The following FAT3 variants were observed in gnomAD, a reference collection of about 807,000 sequenced individuals.
FAT3 encodes FAT atypical cadherin 3.
In FAT3, 95 loss-of-function variants were observed where a neutral mutation model predicts 310.2. The observed-to-expected ratio is 0.31, with a 90% CI of 0.26 to 0.36. FAT3 has a LOEUF of 0.36. FAT3 is among the 10% of genes least tolerant of loss of function. The pLI is 1.00. For synonymous variants in FAT3, 2,314 were observed against 2,192.9 expected (o/e 1.06, Z -1.54); for missense variants, 5,408 against 5,715.6 (o/e 0.95, Z 1.74).
intron 2 of FAT3, among the ~76,000 whole-genome samples, chr11:92,422,518 G>A (rs1041354823): frequency 2.0e-5 from 3 of 152,152 alleles, no homozygotes; most frequent in Non-Finnish European, 4.4e-5. Flanking sequence ...AAGGGAATGG[G>A]GTTAAAGGGC....
chr11:92,811,474 T>G (rs1947670682), intron 13 of FAT3, among the ~76,000 whole-genome samples: 1 of 152,014 alleles, frequency 6.6e-6, no homozygotes, highest in Admixed American at 6.6e-5. Flanking sequence ...TTTTGAAACA[T>G]GAGGGGGTGG....
At chr11:92,598,367 A>G (rs1591503038) in intron 3 of FAT3, among the ~76,000 whole-genome samples, 1 of 151,884 alleles carries the variant, frequency 6.6e-6, no homozygotes, top group East Asian at 1.9e-4. Flanking sequence ...CTGGGACTAT[A>G]GGTGCATGCC....
Position 92,418,042 on chromosome 11 carries a change from G to A in FAT3, c.3292+62638G>A, listed in dbSNP as rs1950453695. 2.0e-5 allele frequency among the ~76,000 whole-genome samples: 3 copies of A among 152,284 alleles called. No individual in the cohort carries two copies. In the South Asian group the frequency reaches 6.2e-4, roughly 32 times the overall value. On this transcript the variant is annotated intron_variant, in intron 2 of 27. Coordinates refer to ENST00000525166, the MANE Select transcript of FAT3 (RefSeq NM_001367949.2). ...GGGAATTCTAGTCTCCTCACTGATTGGGAATGTGAACTTAAGCAAGTCACT... is the reference window on the plus strand; with the variant it reads ...GGGAATTCTAGTCTCCTCACTGATTAGGAATGTGAACTTAAGCAAGTCACT...
At chr11:92,380,490 T>G (rs955280903) in intron 2 of FAT3, among the ~76,000 whole-genome samples, 4 of 152,188 alleles carry the variant, frequency 2.6e-5, no homozygotes, top group African/African-American at 9.6e-5. Flanking sequence ...TTGACTGTGC[T>G]CCATCACATG....
In FAT3 at chr11:92,844,518, C is replaced by T; in HGVS notation, c.11151C>T (p.Tyr3717=). 1 of 1,613,988 alleles carries T rather than the reference C, an allele frequency of 6.2e-7. No homozygotes were observed. Among genetic ancestry groups the T allele is most frequent in the Non-Finnish European group, 8.5e-7 (1 of 1,179,882 alleles). The change falls in exon 19 of 28, where the codon TAC becomes TAT. Residue 3717 remains tyrosine, a synonymous_variant. Coordinates refer to ENST00000525166, the MANE Select transcript of FAT3 (RefSeq NM_001367949.2). ...MHSSEFYKPA[Y]LIQKLSNARR... ...GCAGCGAGTTCTACAAGCCAGCCTA[C>T]CTGATCCAGAAGCTGTCCAATGCTA...
At chr11:92,438,900 T>A (rs1951007280) in intron 2 of FAT3, among the ~76,000 whole-genome samples, 1 of 152,198 alleles carries the variant, frequency 6.6e-6, no homozygotes, top group South Asian at 2.1e-4. Flanking sequence ...ACCAGTAGAT[T>A]GTAGTACCAT....
intron 1 of FAT3, among the ~76,000 whole-genome samples, chr11:92,273,107 T>C (rs1418192236): frequency 2.0e-5 from 3 of 152,136 alleles, no homozygotes; most frequent in Non-Finnish European, 2.9e-5. Flanking sequence ...CTTAAATGAA[T>C]CTCGGCCTAT....
chr11:92,648,901 G>A (rs1942265320), intron 3 of FAT3, among the ~76,000 whole-genome samples: 1 of 152,194 alleles, frequency 6.6e-6, no homozygotes, highest in Non-Finnish European at 1.5e-5. Flanking sequence ...ATACTGCAAA[G>A]TATCTCTGGA....
At chr11:92,505,384 G>T (rs1242284000) in intron 2 of FAT3, among the ~76,000 whole-genome samples, 2 of 152,122 alleles carry the variant, frequency 1.3e-5, no homozygotes, top group African/African-American at 2.4e-5. Context: ...CTGGCTGTGG[G>T]TGTCTGTTTC....
chr11:92,762,264 TA>T (rs1445838483), intron 5 of FAT3, 94 bp downstream of exon 5: 1 of 1,308,838 alleles, frequency 7.6e-7, no homozygotes, highest in African/African-American at 1.5e-5. Flanking sequence ...ATCTTTAGAG[TA>T]AAAAGTGAAG....
At chr11:92,361,409 A>G (rs1174077824) in intron 2 of FAT3, among the ~76,000 whole-genome samples, 5 of 151,570 alleles carry the variant, frequency 3.3e-5, no homozygotes, top group Non-Finnish European at 7.4e-5. Flanking sequence ...TAACAAATGT[A>G]TAGTGTTAAG....
At chr11:92,429,633 G>C (rs1950719937) in intron 2 of FAT3, among the ~76,000 whole-genome samples, 1 of 152,088 alleles carries the variant, frequency 6.6e-6, no homozygotes, top group Admixed American at 6.6e-5. Context: ...TCTCCTTTAT[G>C]TGTGAAGCTT....
At chr11:92,682,557 A>G (rs1943510622) in intron 3 of FAT3, among the ~76,000 whole-genome samples, 1 of 152,206 alleles carries the variant, frequency 6.6e-6, no homozygotes, top group Non-Finnish European at 1.5e-5. Context: ...TTCAGCCTTG[A>G]CAATCTACCA....
chr11:92,829,805 G>T (rs1419258150), intron 13 of FAT3, among the ~76,000 whole-genome samples: 1 of 152,160 alleles, frequency 6.6e-6, no homozygotes, highest in Admixed American at 6.5e-5. Flanking sequence ...TGGAAAAAAT[G>T]GACTCTCTGG....
At chr11:92,709,179 A>G (rs1944447791) in intron 4 of FAT3, among the ~76,000 whole-genome samples, 2 of 152,234 alleles carry the variant, frequency 1.3e-5, no homozygotes, top group Non-Finnish European at 2.9e-5. Context: ...TCCCGGAATC[A>G]TAACCCCTTT....
intron 3 of FAT3, among the ~76,000 whole-genome samples, chr11:92,606,818 A>T (rs764090030): frequency 2.6e-5 from 4 of 152,198 alleles, no homozygotes; most frequent in Non-Finnish European, 5.9e-5. Context: ...ACTACTTTGT[A>T]TAGGCTTTGG....
intron 3 of FAT3, among the ~76,000 whole-genome samples, chr11:92,551,020 GTATTCTGAAC>G (rs1186320555): frequency 6.6e-6 from 1 of 151,714 alleles, no homozygotes; most frequent in Non-Finnish European, 1.5e-5. Flanking sequence ...CCCAGTCCCC[GTATTCTGAAC>G]TATCTGGCCA....
chr11:92,397,033 C>T (rs982139854), intron 2 of FAT3, among the ~76,000 whole-genome samples: 2 of 152,122 alleles, frequency 1.3e-5, no homozygotes, highest in African/African-American at 2.4e-5. Flanking sequence ...ATGGGCCACA[C>T]ACCTTTATAA....
rs987406026 is a variant in FAT3 at position 92,871,705 on chromosome 11, C to T, written c.12127+4496C>T. 5.9e-5 allele frequency among the ~76,000 whole-genome samples: 9 copies of T among 152,112 alleles called. No homozygotes were observed. The South Asian group carries it at 1.2e-3, about 21-fold the overall frequency. On this transcript the variant is annotated intron_variant, in intron 22 of 27. Coordinates refer to ENST00000525166, the MANE Select transcript of FAT3 (RefSeq NM_001367949.2). ...TTTGCACATTTCTGAACTTTCCTAC[C>T]GAGAAAATTTATCAGTTGGAAGTTA...
Sources: allele counts gnomAD v4.1 joint callset (sites outside exome capture counted in the v4.1 genomes callset), GRCh38; gene constraint gnomAD v4.1.1; transcripts MANE v1.5; gene names NCBI Gene and HGNC (gene_info 2026-07-23, HGNC 2026-07-21).